Variants in ANO3 observed in about 807,000 individuals in gnomAD.
ANO3 encodes anoctamin-3.
A neutral mutation model predicts 144.8 loss-of-function variants in ANO3; 99 were observed. The observed-to-expected ratio is 0.68, with a 90% CI of 0.58 to 0.81. ANO3 has a LOEUF of 0.81. ANO3 is among the 30% of genes least tolerant of loss of function. The probability of loss-of-function intolerance (pLI) is 0.00; values close to 1 mark genes in which losing one functional copy is unlikely to be tolerated. For missense variants in ANO3, 905 were observed against 1,202.2 expected, an observed-to-expected ratio of 0.75 and a Z score of 3.66; for synonymous variants, 414 against 392.6, an observed-to-expected ratio of 1.05 and a Z score of -0.64.
chr11:26,271,314 T>C (rs1457092451), intron 1 of ANO3, among the ~76,000 whole-genome samples: 1 of 152,220 alleles, frequency 6.6e-6, no homozygotes, highest in East Asian at 1.9e-4. Context: ...ATACATCTTA[T>C]GGGAGGTAAA....
chr11:26,531,090 G>A (rs1849359342), intron 7 of ANO3, 115 bp from the exon 8 acceptor site: 33 of 1,185,336 alleles, frequency 2.8e-5, no homozygotes, highest in Non-Finnish European at 3.6e-5. Context: ...GTGTGTGTAG[G>A]TTTGTGTATC....
chr11:26,537,776 A>G (rs1241969163), intron 10 of ANO3, among the ~76,000 whole-genome samples: 1 of 152,210 alleles, frequency 6.6e-6, no homozygotes, highest in African/African-American at 2.4e-5. Flanking sequence ...TTCCAAATAG[A>G]GGAGATTCCT....
intron 1 of ANO3, among the ~76,000 whole-genome samples, chr11:26,371,931 C>G (rs972863587): frequency 6.6e-6 from 1 of 152,182 alleles, no homozygotes; most frequent in Non-Finnish European, 1.5e-5. Context: ...TGGACTCTGA[C>G]TTTTCAGTTA....
intron 12 of ANO3, 53 bp downstream of exon 12, chr11:26,547,603 A>C: frequency 3.3e-6 from 5 of 1,513,998 alleles, no homozygotes; most frequent in Non-Finnish European, 4.6e-6. Context: ...CTGAATGGGC[A>C]AAAGTTTAAT....
intron 3 of ANO3, among the ~76,000 whole-genome samples, chr11:26,445,226 T>A (rs1590364877): frequency 1.3e-5 from 2 of 152,308 alleles, no homozygotes; most frequent in South Asian, 4.1e-4. Flanking sequence ...TGAAACTATA[T>A]TATCAGTTAT....
At chr11:26,507,597 A>C (rs1421141257) in intron 4 of ANO3, among the ~76,000 whole-genome samples, 1 of 152,246 alleles carries the variant, frequency 6.6e-6, no homozygotes, top group African/African-American at 2.4e-5. Context: ...ATGTAACACA[A>C]GAAATAAAAT....
At chr11:26,307,567 A>G (rs1267701435), upstream of ANO3, among the ~76,000 whole-genome samples, 1 of 151,396 alleles carries the variant, frequency 6.6e-6, no homozygotes, top group Non-Finnish European at 1.5e-5. Flanking sequence ...AAAACTGCAA[A>G]AATTAGCCAG....
chr11:26,644,765 C>T (rs1336593502), intron 23 of ANO3, among the ~76,000 whole-genome samples: 2 of 150,342 alleles, frequency 1.3e-5, no homozygotes, highest in Non-Finnish European at 3.0e-5. Context: ...CATTTGGTGG[C>T]CATTGAATCT....
chr11:26,356,366 AG>A (rs1196567015), intron 1 of ANO3, among the ~76,000 whole-genome samples: 2 of 152,102 alleles, frequency 1.3e-5, no homozygotes, highest in African/African-American at 4.8e-5. Context: ...CATCCCTAAA[AG>A]TTTCTTTATG....
chr11:26,438,778 C>CA (rs59906437), intron 1 of ANO3, among the ~76,000 whole-genome samples: 20,812 of 108,660 alleles, frequency 0.19, 1,664 homozygotes, highest in East Asian at 0.31. Flanking sequence ...AACTCTGTCT[C>CA]AAAAAAAAAA....
intron 8 of ANO3, among the ~76,000 whole-genome samples, chr11:26,533,761 A>G (rs1849432868): frequency 6.6e-6 from 1 of 152,198 alleles, no homozygotes; most frequent in Non-Finnish European, 1.5e-5. Flanking sequence ...GAATATGAGC[A>G]GTGTAGATGA....
intron 14 of ANO3, among the ~76,000 whole-genome samples, chr11:26,570,289 G>A (rs1337011889): frequency 1.3e-5 from 2 of 152,052 alleles, no homozygotes; most frequent in Non-Finnish European, 2.9e-5. Flanking sequence ...TGTATGGAGG[G>A]CTGCAGAAAG....
chr11:26,651,096 T>G (rs574033771), intron 24 of ANO3, among the ~76,000 whole-genome samples: 1 of 152,226 alleles, frequency 6.6e-6, no homozygotes, highest in Non-Finnish European at 1.5e-5. Flanking sequence ...TATTAACAAT[T>G]GTGAGTTTTT....
At chr11:26,281,842 G>C (rs1047088262) in intron 1 of ANO3, among the ~76,000 whole-genome samples, 1 of 152,062 alleles carries the variant, frequency 6.6e-6, no homozygotes, top group African/African-American at 2.4e-5. Context: ...AAGACATTCA[G>C]GCAAATGTCT....
intron 1 of ANO3, among the ~76,000 whole-genome samples, chr11:26,430,984 G>C (rs1858069852): frequency 6.6e-6 from 1 of 152,134 alleles, no homozygotes; most frequent in African/African-American, 2.4e-5. Flanking sequence ...TAATTGACTT[G>C]TATGTTGGTG....
intron 1 of ANO3, among the ~76,000 whole-genome samples, chr11:26,377,256 A>G (rs1856439177): frequency 6.6e-6 from 1 of 152,296 alleles, no homozygotes; most frequent in East Asian, 1.9e-4. Flanking sequence ...CATTGGCAAA[A>G]CTAAAAGTTG....
At chr11:26,248,020 C>A (rs942750585) in intron 1 of ANO3, among the ~76,000 whole-genome samples, 1 of 151,954 alleles carries the variant, frequency 6.6e-6, no homozygotes, top group Non-Finnish European at 1.5e-5. Flanking sequence ...CGTGAGCCAA[C>A]ATACCTGGAC....
In ANO3 at chr11:26,441,899, C is replaced by G. The variant is rs1314564364; in HGVS notation, c.47-19C>G. On this transcript the variant is annotated intron_variant, in intron 1 of 26. Transcript: ENST00000256737. ...TGATTGATTTTTTATTGCTAAAACT[C>G]AACATTTTGGATTTGCAGGTATGAA... 8.8e-6 allele frequency: 14 copies of G among 1,595,912 alleles called. No homozygotes were observed. Among genetic ancestry groups the G allele is most frequent in the Non-Finnish European group, 1.2e-5 (14 of 1,169,506 alleles).
intron 1 of ANO3, among the ~76,000 whole-genome samples, chr11:26,400,917 T>TC (rs1217456445): frequency 1.3e-5 from 2 of 151,676 alleles, no homozygotes; most frequent in African/African-American, 4.8e-5. Flanking sequence ...ACATTATACT[T>TC]CAAAAAAAAG....
Sources: allele counts gnomAD v4.1 joint callset (sites outside exome capture counted in the v4.1 genomes callset), GRCh38; gene constraint gnomAD v4.1.1; transcripts MANE v1.5; gene names NCBI Gene and HGNC (gene_info 2026-07-23, HGNC 2026-07-21).